The following SGK3 variants were observed in gnomAD, a reference collection of about 807,000 sequenced individuals.
SGK3 encodes serine/threonine-protein kinase Sgk3.
SGK3 carries 47 observed loss-of-function variants against 68.5 expected under a neutral mutation model. That is an observed-to-expected ratio of 0.69 (90% confidence interval 0.54 to 0.87). The LOEUF is 0.87. SGK3 is among the 40% of genes least tolerant of loss of function. The pLI, the probability that SGK3 is intolerant of heterozygous loss-of-function variation, is 0.00. For missense variants in SGK3, 479 were observed against 575.5 expected, an observed-to-expected ratio of 0.83 and a Z score of 1.72; for synonymous variants, 181 against 189.1, an observed-to-expected ratio of 0.96 and a Z score of 0.35.
At chr8:66,802,585 G>C (rs1232750597) in intron 3 of SGK3, among the ~76,000 whole-genome samples, 1 of 151,894 alleles carries the variant, frequency 6.6e-6, no homozygotes, top group Non-Finnish European at 1.5e-5. Context: ...AGCTACTCAG[G>C]GGGCTGAGGG....
chr8:66,847,092 A>C, intron 14 of SGK3, 101 bp from the exon 15 acceptor site: 1 of 1,509,366 alleles, frequency 6.6e-7, no homozygotes. Flanking sequence ...AGGTCCATAC[A>C]TTTTTTCAAC....
At chr8:66,813,819 TA>T in intron 4 of SGK3, 33 bp from the exon 5 acceptor site, 1 of 1,523,884 alleles carries the variant, frequency 6.6e-7, no homozygotes, top group Non-Finnish European at 8.8e-7. Flanking sequence ...TAGTCTGACA[TA>T]AATAATCCTA....
chr8:66,776,345 G>A (rs1806714038), intron 1 of SGK3, among the ~76,000 whole-genome samples: 1 of 152,154 alleles, frequency 6.6e-6, no homozygotes, highest in African/African-American at 2.4e-5. Context: ...AAGTTCAGGC[G>A]GGTTTGTTTA....
chr8:66,749,180 C>T (rs993682102), intron 1 of SGK3, among the ~76,000 whole-genome samples: 1 of 152,130 alleles, frequency 6.6e-6, no homozygotes, highest in Non-Finnish European at 1.5e-5. Flanking sequence ...AGTCAATATA[C>T]GTCAAAATGG....
intron 10 of SGK3, 34 bp from the exon 11 acceptor site, chr8:66,839,969 C>G (rs566964010): frequency 1.3e-6 from 2 of 1,570,598 alleles, no homozygotes; most frequent in African/African-American, 1.4e-5. Context: ...TCCTAACATT[C>G]TCTCTCCCCC....
intron 1 of SGK3, among the ~76,000 whole-genome samples, chr8:66,735,407 T>C (rs1315601852): frequency 1.3e-5 from 2 of 152,228 alleles, no homozygotes; most frequent in African/African-American, 4.8e-5. Context: ...AAATCCTTAA[T>C]GAAAAGGATG....
chr8:66,714,879 A>G (rs955567315), intron 1 of SGK3, among the ~76,000 whole-genome samples: 1 of 152,186 alleles, frequency 6.6e-6, no homozygotes, highest in African/African-American at 2.4e-5. Flanking sequence ...GCTTGAATGG[A>G]GGGCAGGTGT....
At chr8:66,731,748 A>G (rs1031884990) in intron 1 of SGK3, among the ~76,000 whole-genome samples, 2 of 152,044 alleles carry the variant, frequency 1.3e-5, no homozygotes, top group African/African-American at 2.4e-5. Context: ...GTTAGCCAGG[A>G]TGGTCTCGAT....
chr8:66,746,884 G>A (rs1805670004), intron 1 of SGK3, among the ~76,000 whole-genome samples: 1 of 151,954 alleles, frequency 6.6e-6, no homozygotes, highest in African/African-American at 2.4e-5. Flanking sequence ...TTTTTAAATG[G>A]AGAGACTATG....
intron 5 of SGK3, among the ~76,000 whole-genome samples, chr8:66,817,789 C>CA (rs1425088661): frequency 3.9e-5 from 6 of 152,094 alleles, no homozygotes; most frequent in African/African-American, 1.4e-4. Flanking sequence ...ATGACATTAT[C>CA]ACAAAGTAAA....
chr8:66,755,154 C>A (rs1805936835), intron 1 of SGK3, among the ~76,000 whole-genome samples: 1 of 150,934 alleles, frequency 6.6e-6, no homozygotes, highest in South Asian at 2.1e-4. Flanking sequence ...AGCTGCTGGG[C>A]AGGCTGAGGC....
intron 10 of SGK3, among the ~76,000 whole-genome samples, chr8:66,837,950 C>T (rs1381318422): frequency 6.6e-6 from 1 of 152,230 alleles, no homozygotes; most frequent in Non-Finnish European, 1.5e-5. Flanking sequence ...TTTATTGAGG[C>T]TTGGCACTTT....
chr8:66,725,500 T>C (rs917569050), intron 1 of SGK3, among the ~76,000 whole-genome samples: 2 of 151,920 alleles, frequency 1.3e-5, no homozygotes, highest in African/African-American at 4.8e-5. Context: ...TTTTTTTTTT[T>C]AACCCTGTGA....
intron 4 of SGK3, among the ~76,000 whole-genome samples, chr8:66,811,476 T>A (rs1808381080): frequency 6.6e-6 from 1 of 152,338 alleles, no homozygotes; most frequent in African/African-American, 2.4e-5. Context: ...CATTATAGTC[T>A]TACCTGGAAT....
At chr8:66,854,713 C>G (rs983601450) in intron 16 of SGK3, among the ~76,000 whole-genome samples, 5 of 151,978 alleles carry the variant, frequency 3.3e-5, no homozygotes, top group Non-Finnish European at 7.4e-5. Context: ...CATATTAGTA[C>G]CAGGACATAT....
intron 2 of SGK3, among the ~76,000 whole-genome samples, chr8:66,794,949 A>G (rs1807616500): frequency 6.6e-6 from 1 of 152,130 alleles, no homozygotes; most frequent in Admixed American, 6.6e-5. Context: ...TGGCTTGACC[A>G]GGGTCTTGCG....
chr8:66,801,070 C>T (rs1011971218), intron 3 of SGK3, among the ~76,000 whole-genome samples: 4 of 152,294 alleles, frequency 2.6e-5, no homozygotes, highest in Middle Eastern at 6.8e-3. Flanking sequence ...TTAATGCACA[C>T]GCAACTGCAC....
In SGK3 at chr8:66,835,175, C is replaced by T. The variant is rs529224760; in HGVS notation, c.526-588C>T. Among the ~76,000 whole-genome samples, 18 of 152,226 alleles carry T rather than the reference C, an allele frequency of 1.2e-4. No individual in the cohort carries two copies. The South Asian group carries it at 3.7e-3, about 32-fold the overall frequency. On this transcript the variant is annotated intron_variant, in intron 8 of 16. Coordinates refer to ENST00000521198, the MANE Select transcript of SGK3 (RefSeq NM_001033578.3). Reference sequence around the variant, plus strand: ...GTCCCAGCTATTTGGAAGACTGAGACAGGATGATCACCTGAGCCTTGGAGA... The same window carrying T: ...GTCCCAGCTATTTGGAAGACTGAGATAGGATGATCACCTGAGCCTTGGAGA...
At chr8:66,723,637 A>G (rs1241778133) in intron 1 of SGK3, among the ~76,000 whole-genome samples, 2 of 151,962 alleles carry the variant, frequency 1.3e-5, no homozygotes, top group Non-Finnish European at 2.9e-5. Flanking sequence ...TAGAGATGGG[A>G]TCTCACCATG....
Sources: gnomAD v4.1 joint callset for allele counts (sites outside exome capture counted in the v4.1 genomes callset) on GRCh38, gnomAD v4.1.1 for gene constraint, MANE v1.5 for transcripts, NCBI Gene and HGNC (gene_info 2026-07-23, HGNC 2026-07-21) for gene names.